The following CDC42BPA variants were observed in gnomAD, a reference collection of about 807,000 sequenced individuals.
CDC42BPA encodes CDC42 binding protein kinase alpha, also known as serine/threonine-protein kinase MRCK alpha.
Under a neutral mutation model 223.5 loss-of-function variants are expected in CDC42BPA, and 80 were observed. That is an observed-to-expected ratio of 0.36 (90% CI 0.30 to 0.43). The LOEUF is 0.43. Among genes scored for constraint, CDC42BPA ranks in the 20% least tolerant of loss-of-function variants. The pLI, the probability that CDC42BPA is intolerant of heterozygous loss-of-function variation, is 1.00. For synonymous variants in CDC42BPA, 694 were observed against 718.6 expected, an observed-to-expected ratio of 0.97 and a Z score of 0.55; for missense variants, 1,743 against 2,099.9, an observed-to-expected ratio of 0.83 and a Z score of 3.32.
intron 2 of CDC42BPA, among the ~76,000 whole-genome samples, chr1:227,247,798 C>T (rs1681251449): frequency 6.6e-6 from 1 of 152,010 alleles, no homozygotes; most frequent in Non-Finnish European, 1.5e-5. Flanking sequence ...AGGAGAATCG[C>T]TTGAACCTGT....
At chr1:227,085,883 T>G (rs1681777757) in intron 16 of CDC42BPA, among the ~76,000 whole-genome samples, 2 of 152,346 alleles carry the variant, frequency 1.3e-5, no homozygotes, top group South Asian at 2.1e-4. Context: ...AAGTGTATAC[T>G]TGAATGATTT....
chr1:227,297,013 G>A (rs1011990520), intron 1 of CDC42BPA, among the ~76,000 whole-genome samples: 5 of 152,126 alleles, frequency 3.3e-5, no homozygotes, highest in South Asian at 2.1e-4. Flanking sequence ...AAGAATAGGC[G>A]AGACTATGCA....
At chr1:227,010,376 C>G (rs963416992) in intron 34 of CDC42BPA, among the ~76,000 whole-genome samples, 2 of 152,136 alleles carry the variant, frequency 1.3e-5, no homozygotes, top group South Asian at 2.1e-4. Flanking sequence ...AATTTTTTAA[C>G]TTTTCACTTT....
At chr1:226,996,461 T>C (rs966407977) in intron 35 of CDC42BPA, among the ~76,000 whole-genome samples, 16 of 149,068 alleles carry the variant, frequency 1.1e-4, no homozygotes, top group African/African-American at 3.9e-4. Flanking sequence ...CTTTATTTCC[T>C]TCTCTTGTCT....
intron 1 of CDC42BPA, among the ~76,000 whole-genome samples, chr1:227,285,854 GAA>G (rs5781479): frequency 8.0e-5 from 12 of 150,890 alleles, no homozygotes; most frequent in African/African-American, 2.9e-4. Flanking sequence ...TATAGGTAAA[GAA>G]AAAAAAAATC....
chr1:227,284,546 C>T (rs1209486810), intron 1 of CDC42BPA, among the ~76,000 whole-genome samples: 1 of 152,170 alleles, frequency 6.6e-6, no homozygotes, highest in Non-Finnish European at 1.5e-5. Context: ...AGAGAATGTA[C>T]ACATTTTCTT....
intron 1 of CDC42BPA, among the ~76,000 whole-genome samples, chr1:227,256,016 G>A (rs1682975103): frequency 6.6e-6 from 1 of 152,090 alleles, no homozygotes; most frequent in Admixed American, 6.6e-5. Flanking sequence ...TGCAAATCAT[G>A]TATCTACTAA....
At chr1:227,312,092 T>G (rs1467919288) in intron 1 of CDC42BPA, among the ~76,000 whole-genome samples, 1 of 152,252 alleles carries the variant, frequency 6.6e-6, no homozygotes, top group Non-Finnish European at 1.5e-5. Context: ...AACACAATGT[T>G]TTGCACAACA....
intron 14 of CDC42BPA, among the ~76,000 whole-genome samples, chr1:227,111,437 G>T (rs1686903406): frequency 6.6e-6 from 1 of 152,116 alleles, no homozygotes; most frequent in Non-Finnish European, 1.5e-5. Context: ...ATGTACTCGT[G>T]ACATGAAATA....
chr1:227,207,776 C>T (rs376426720), intron 3 of CDC42BPA, among the ~76,000 whole-genome samples: 18 of 140,704 alleles, frequency 1.3e-4, no homozygotes, highest in Admixed American at 2.2e-4. Flanking sequence ...TGTTGGACAT[C>T]TGGGTTGGTT....
At chr1:227,027,044 C>G (rs61834039) in intron 30 of CDC42BPA, among the ~76,000 whole-genome samples, 55,595 of 152,042 alleles carry the variant, frequency 0.37, 10,439 homozygotes, top group Middle Eastern at 0.42. Context: ...CCTCCTGCCT[C>G]AGCCTCCTGA....
chr1:227,123,921 C>T (rs556372076), intron 11 of CDC42BPA, among the ~76,000 whole-genome samples: 1 of 152,026 alleles, frequency 6.6e-6, no homozygotes, highest in South Asian at 2.1e-4. Context: ...TATCCCCAAC[C>T]TCAAGGCAAC....
At chr1:227,126,369 T>C (rs1282775315) in intron 11 of CDC42BPA, among the ~76,000 whole-genome samples, 2 of 152,020 alleles carry the variant, frequency 1.3e-5, no homozygotes, top group African/African-American at 4.8e-5. Flanking sequence ...TGCATGCAGG[T>C]GGATCCCCTG....
At chr1:227,270,972 T>G (rs1254809998) in intron 1 of CDC42BPA, among the ~76,000 whole-genome samples, 1 of 152,188 alleles carries the variant, frequency 6.6e-6, no homozygotes, top group Non-Finnish European at 1.5e-5. Context: ...TTTATCCAAC[T>G]ACAAGTTAAT....
At chr1:227,180,238 G>T (rs1299757898) in intron 5 of CDC42BPA, among the ~76,000 whole-genome samples, 1 of 151,968 alleles carries the variant, frequency 6.6e-6, no homozygotes, top group Non-Finnish European at 1.5e-5. Flanking sequence ...ATCTGCCTTT[G>T]AAGGGTTTAA....
chr1:227,252,504 T>C (rs1682196619), intron 2 of CDC42BPA, among the ~76,000 whole-genome samples: 1 of 152,144 alleles, frequency 6.6e-6, no homozygotes, highest in African/African-American at 2.4e-5. Flanking sequence ...TTCTGGAGAA[T>C]ACTAAAGGAG....
chr1:227,026,162 G>C lies in CDC42BPA; in HGVS notation c.4433-10C>G, dbSNP rs1018675471. 1 of 1,458,038 alleles carries C rather than the reference G, an allele frequency of 6.9e-7. No homozygotes were observed. Among genetic ancestry groups the C allele is most frequent in the Non-Finnish European group, 9.5e-7 (1 of 1,050,878 alleles). The allele number at this position is 1,458,038 out of a possible 1,614,324, so 90.3% of individuals were successfully genotyped here. On this transcript the variant is annotated splice_polypyrimidine_tract_variant and intron_variant, in intron 30 of 36. Transcript: ENST00000366766. ...TATGGTGCATTGTAACCTGGGAGAA[G>C]GGAAGGGGGGGCAGCTTGCGGATTA...
At position 227,031,357 on chromosome 1, in the gene CDC42BPA, T is replaced by C; in HGVS notation, c.3716A>G (p.Lys1239Arg). 1 of 1,614,086 alleles carries C rather than the reference T, an allele frequency of 6.2e-7. No homozygotes were observed. The highest frequency in any genetic ancestry group is 1.1e-5 in the South Asian group (1 of 91,078). ...GGGTAGAGTGCTGTCATAAGCCTCTTTGGGAACATAGACTGAGCGGTCTCT... is the reference window on the plus strand; with the variant it reads ...GGGTAGAGTGCTGTCATAAGCCTCTCTGGGAACATAGACTGAGCGGTCTCT... ...KFRDRSVYVP[K>R]EAYDSTLPLI... Residue 1239 changes from lysine to arginine, a missense_variant, in exon 28 of 37, where the codon AAA becomes AGA. By Grantham distance (26) the Lys-to-Arg change is conservative. Transcript: ENST00000366766.
At chr1:227,211,802 G>A (rs1328888636) in intron 3 of CDC42BPA, among the ~76,000 whole-genome samples, 2 of 152,056 alleles carry the variant, frequency 1.3e-5, no homozygotes, top group Non-Finnish European at 2.9e-5. Context: ...CTGACAAGTT[G>A]CCTATTGGGT....
Sources: gnomAD v4.1 joint callset for allele counts (sites outside exome capture counted in the v4.1 genomes callset) on GRCh38, gnomAD v4.1.1 for gene constraint, MANE v1.5 for transcripts, NCBI Gene and HGNC (gene_info 2026-07-23, HGNC 2026-07-21) for gene names.